ST18: variants seen among roughly 807,000 people sequenced by gnomAD.
The protein encoded by ST18 is ST18 C2H2C-type zinc finger transcription factor, also known as suppression of tumorigenicity 18 protein.
A neutral mutation model predicts 110.0 loss-of-function variants in ST18; 50 were observed. The ratio of observed to expected loss-of-function variants is 0.45; its 90% CI spans 0.36 to 0.58. The LOEUF is 0.58. ST18 is among the 20% of genes least tolerant of loss of function. The pLI, the probability that ST18 is intolerant of heterozygous loss-of-function variation, is 0.00. For synonymous variants in ST18, 461 were observed against 452.4 expected (o/e 1.02, Z -0.24); for missense variants, 1,306 against 1,280.1 (o/e 1.02, Z -0.31).
chr8:52,351,439 T>C (rs1212371565), intron 2 of ST18, among the ~76,000 whole-genome samples: 2 of 152,224 alleles, frequency 1.3e-5, no homozygotes, highest in Non-Finnish European at 2.9e-5. Flanking sequence ...AAGACAAAGC[T>C]TAATTGCACA....
chr8:52,276,761 T>C (rs932796837), intron 2 of ST18, among the ~76,000 whole-genome samples: 1 of 149,906 alleles, frequency 6.7e-6, no homozygotes, highest in Non-Finnish European at 1.5e-5. Flanking sequence ...ATAAAACCTA[T>C]AAAATCTTTT....
At chr8:52,309,451 G>T (rs1048775349) in intron 2 of ST18, among the ~76,000 whole-genome samples, 17 of 146,580 alleles carry the variant, frequency 1.2e-4, no homozygotes, top group Non-Finnish European at 2.1e-4. Flanking sequence ...AACCTGGGAA[G>T]TGGAGTTTGC....
chr8:52,175,293 TA>T (rs1306770579), intron 9 of ST18, among the ~76,000 whole-genome samples: 2 of 152,168 alleles, frequency 1.3e-5, no homozygotes, highest in African/African-American at 4.8e-5. Context: ...ACCTTTATCA[TA>T]AATAAGATGG....
intron 8 of ST18, among the ~76,000 whole-genome samples, chr8:52,187,248 T>C (rs1296457608): frequency 6.6e-6 from 1 of 152,200 alleles, no homozygotes; most frequent in African/African-American, 2.4e-5. Context: ...GTGCTCTAAA[T>C]TATTTACATG....
intron 8 of ST18, among the ~76,000 whole-genome samples, chr8:52,198,951 C>T (rs184861798): frequency 5.3e-5 from 8 of 152,254 alleles, no homozygotes; most frequent in African/African-American, 1.9e-4. Context: ...CACCACGGAG[C>T]TGTGGGCACC....
At chr8:52,321,433 A>G (rs1176755189) in intron 2 of ST18, among the ~76,000 whole-genome samples, 1 of 152,222 alleles carries the variant, frequency 6.6e-6, no homozygotes, top group Non-Finnish European at 1.5e-5. Flanking sequence ...TGAAGGATCT[A>G]TTTTCTAAAG....
At chr8:52,237,602 G>T (rs1203625843) in intron 2 of ST18, among the ~76,000 whole-genome samples, 2 of 152,190 alleles carry the variant, frequency 1.3e-5, no homozygotes, top group East Asian at 3.9e-4. Context: ...TCACAAGATG[G>T]GTGATGGAGA....
chr8:52,337,636 G>A (rs1812743379), intron 2 of ST18, among the ~76,000 whole-genome samples: 1 of 152,202 alleles, frequency 6.6e-6, no homozygotes, highest in South Asian at 2.1e-4. Flanking sequence ...AACCCAGAAA[G>A]ATATATCACA....
intron 23 of ST18, 116 bp downstream of exon 23, chr8:52,125,936 T>C: frequency 1.2e-6 from 1 of 815,428 alleles, no homozygotes; most frequent in South Asian, 2.1e-5. Flanking sequence ...AAACCTTTCT[T>C]CTTGTACATT....
intron 2 of ST18, among the ~76,000 whole-genome samples, chr8:52,280,875 G>A (rs1164630709): frequency 6.6e-6 from 1 of 151,982 alleles, no homozygotes; most frequent in Non-Finnish European, 1.5e-5. Context: ...ACAGACTTGA[G>A]CTAAAAGACA....
intron 8 of ST18, among the ~76,000 whole-genome samples, chr8:52,195,114 A>G (rs1387275261): frequency 2.0e-5 from 3 of 152,244 alleles, no homozygotes; most frequent in African/African-American, 7.2e-5. Flanking sequence ...GATTAGCTAT[A>G]CAATATAGAA....
intron 2 of ST18, among the ~76,000 whole-genome samples, chr8:52,323,137 A>G (rs946139831): frequency 6.6e-6 from 1 of 152,198 alleles, no homozygotes; most frequent in African/African-American, 2.4e-5. Flanking sequence ...GGAGGGAAAG[A>G]GCTGGGCTCT....
chr8:52,293,977 G>A (rs953531361), intron 2 of ST18, among the ~76,000 whole-genome samples: 1 of 152,178 alleles, frequency 6.6e-6, no homozygotes, highest in Non-Finnish European at 1.5e-5. Flanking sequence ...AGGGTTTCAC[G>A]CAGTGGCCCA....
chr8:52,222,188 C>A (rs143619906), intron 3 of ST18: 1 of 152,326 alleles, frequency 6.6e-6, no homozygotes, highest in African/African-American at 2.4e-5. Flanking sequence ...AGAACTGAAT[C>A]ACATAAGGGA....
In ST18 at chr8:52,130,865, C is replaced by A. The variant is rs185317014; in HGVS notation, c.2666+1093G>T. The stretch of plus-strand genomic sequence containing the variant: ...AACATGGATATTACTGAGGTCATTA[C>A]AAGGAATTCAAGCTATTGTACAGTA... On this transcript the variant is annotated intron_variant, in intron 22 of 25. Coordinates refer to ENST00000689386, the MANE Select transcript of ST18 (RefSeq NM_001352837.2). Among the ~76,000 whole-genome samples the A allele has an allele frequency of 3.3e-5, 5 of 152,268 alleles. No homozygotes were observed. The East Asian group carries it at 9.6e-4, about 29-fold the overall frequency.
chr8:52,354,432 G>A (rs935699235), intron 2 of ST18, among the ~76,000 whole-genome samples: 2 of 152,212 alleles, frequency 1.3e-5, no homozygotes, highest in African/African-American at 4.8e-5. Flanking sequence ...GATATGGTAT[G>A]CAAGAGTAGA....
chr8:52,398,985 A>G (rs1842063272), intron 2 of ST18, among the ~76,000 whole-genome samples: 2 of 151,960 alleles, frequency 1.3e-5, no homozygotes, highest in African/African-American at 2.4e-5. Flanking sequence ...CTGTATCTCT[A>G]TTTTTGGAAG....
At chr8:52,181,373 C>A (rs990928251) in intron 8 of ST18, among the ~76,000 whole-genome samples, 1 of 151,988 alleles carries the variant, frequency 6.6e-6, no homozygotes, top group Non-Finnish European at 1.5e-5. Flanking sequence ...GGTGCCTATT[C>A]GTGAAAATGA....
intron 2 of ST18, among the ~76,000 whole-genome samples, chr8:52,333,305 A>G (rs1374185963): frequency 6.6e-6 from 1 of 152,082 alleles, no homozygotes; most frequent in African/African-American, 2.4e-5. Flanking sequence ...TCTATTAAAA[A>G]AAAAAAAAAG....
Sources: allele counts gnomAD v4.1 joint callset (sites outside exome capture counted in the v4.1 genomes callset), GRCh38; gene constraint gnomAD v4.1.1; transcripts MANE v1.5; gene names NCBI Gene and HGNC (gene_info 2026-07-23, HGNC 2026-07-21).